The following TOX variants were observed in gnomAD, a reference collection of about 807,000 sequenced individuals.
The protein encoded by TOX is thymocyte selection associated high mobility group box.
TOX carries 11 observed loss-of-function variants against 53.7 expected under a neutral mutation model. The observed-to-expected ratio is 0.20, with a 90% CI of 0.13 to 0.34. TOX has a LOEUF of 0.34. TOX is among the 10% of genes least tolerant of loss of function. The pLI, the probability that TOX is intolerant of heterozygous loss-of-function variation, is 1.00. For missense variants in TOX, 570 were observed against 664.6 expected (o/e 0.86, Z 1.56); for synonymous variants, 225 against 245.3 (o/e 0.92, Z 0.77).
intron 3 of TOX, among the ~76,000 whole-genome samples, chr8:58,869,134 A>AG (rs1418937320): frequency 6.7e-6 from 1 of 149,070 alleles, no homozygotes; most frequent in African/African-American, 2.5e-5. Context: ...AACTAAGGCA[A>AG]GGGAATCACT....
intron 2 of TOX, among the ~76,000 whole-genome samples, chr8:58,946,794 C>A (rs147894277): frequency 6.6e-6 from 1 of 152,154 alleles, no homozygotes; most frequent in African/African-American, 2.4e-5. Flanking sequence ...GTGTAAGCAT[C>A]CTGCAAAGAG....
intron 1 of TOX, among the ~76,000 whole-genome samples, chr8:59,024,089 T>G (rs934024933): frequency 6.6e-6 from 1 of 152,194 alleles, no homozygotes; most frequent in Non-Finnish European, 1.5e-5. Flanking sequence ...GGGGAAGTCC[T>G]TCTCTGAATC....
At chr8:59,103,038 GTTTCTGCAAATAACAGAGGGATT>G (rs1682772247) in intron 1 of TOX, among the ~76,000 whole-genome samples, 1 of 152,098 alleles carries the variant, frequency 6.6e-6, no homozygotes, top group African/African-American at 2.4e-5. Context: ...AACATCATCA[GTTTCTGCAAATAACAGAGGGATT>G]TTTCTCTTCC....
intron 1 of TOX, among the ~76,000 whole-genome samples, chr8:58,966,562 A>G (rs1105608): frequency 0.048 from 7,377 of 152,184 alleles, 226 homozygotes; most frequent in South Asian, 0.097. Flanking sequence ...AGATAGTGCT[A>G]GACCCACAAC....
At chr8:58,959,316 T>G (rs28692477) in intron 2 of TOX, among the ~76,000 whole-genome samples, 1 of 152,114 alleles carries the variant, frequency 6.6e-6, no homozygotes, top group Admixed American at 6.5e-5. Context: ...CTTTTATAAG[T>G]GTAACCATTT....
chr8:58,809,568 A>G (rs951851834), intron 7 of TOX, among the ~76,000 whole-genome samples: 1 of 152,260 alleles, frequency 6.6e-6, no homozygotes, highest in Non-Finnish European at 1.5e-5. Flanking sequence ...CTGGAGACAA[A>G]TCACTGAAAA....
chr8:58,939,638 G>T (rs1585913107), intron 2 of TOX, 94 bp from the exon 3 acceptor site: 4 of 1,485,502 alleles, frequency 2.7e-6, no homozygotes, highest in Non-Finnish European at 3.6e-6. Flanking sequence ...ATTATTACAA[G>T]CAGCATATGG....
At chr8:59,093,187 G>A (rs1239111817) in intron 1 of TOX, among the ~76,000 whole-genome samples, 2 of 152,210 alleles carry the variant, frequency 1.3e-5, no homozygotes, top group African/African-American at 4.8e-5. Context: ...AGTAGGCTCT[G>A]AGGTGAGATC....
chr8:59,029,662 T>C (rs1044632044), intron 1 of TOX, among the ~76,000 whole-genome samples: 3 of 152,078 alleles, frequency 2.0e-5, no homozygotes, highest in Non-Finnish European at 2.9e-5. Context: ...TGGTAGCAAT[T>C]TTCTGTTAGT....
At chr8:58,959,012 A>G (rs547917579) in intron 2 of TOX, among the ~76,000 whole-genome samples, 1 of 152,298 alleles carries the variant, frequency 6.6e-6, no homozygotes, top group East Asian at 1.9e-4. Context: ...TTAAATCTAT[A>G]TGTGTGGATA....
At chr8:58,942,927 C>T (rs191988912) in intron 2 of TOX, among the ~76,000 whole-genome samples, 1 of 152,302 alleles carries the variant, frequency 6.6e-6, no homozygotes, top group East Asian at 1.9e-4. Flanking sequence ...CCTTCACCTT[C>T]CACCACCAGT....
At chr8:58,907,146 C>T in intron 3 of TOX, among the ~76,000 whole-genome samples, 1 of 152,216 alleles carries the variant, frequency 6.6e-6, no homozygotes, top group African/African-American at 2.4e-5. Flanking sequence ...TCCCTTGCCA[C>T]CTACATCTAA....
intron 3 of TOX, among the ~76,000 whole-genome samples, chr8:58,891,089 A>T (rs1811552410): frequency 6.6e-6 from 1 of 152,094 alleles, no homozygotes; most frequent in African/African-American, 2.4e-5. Flanking sequence ...AAAGAAGGAA[A>T]AGGGCAGGCC....
At chr8:58,992,382 T>TA (rs1813471055) in intron 1 of TOX, among the ~76,000 whole-genome samples, 1 of 152,190 alleles carries the variant, frequency 6.6e-6, no homozygotes, top group South Asian at 2.1e-4. Context: ...CAGATTTATT[T>TA]TTTTTTCCTT....
chr8:58,949,425 TC>T (rs1396880817), intron 2 of TOX, among the ~76,000 whole-genome samples: 2 of 152,314 alleles, frequency 1.3e-5, no homozygotes, highest in East Asian at 3.9e-4. Flanking sequence ...TCCACTTATT[TC>T]CTTAGGATAA....
chr8:58,882,301 C>A (rs1355646766), intron 3 of TOX, among the ~76,000 whole-genome samples: 1 of 152,206 alleles, frequency 6.6e-6, no homozygotes, highest in African/African-American at 2.4e-5. Flanking sequence ...TGTGCTAGGA[C>A]ATTCTATGCC....
chr8:58,892,944 A>G (rs1811580381), intron 3 of TOX, among the ~76,000 whole-genome samples: 1 of 152,224 alleles, frequency 6.6e-6, no homozygotes, highest in South Asian at 2.1e-4. Flanking sequence ...ATAAAATGCT[A>G]CAGAACCGTG....
chr8:58,811,220 C>G (rs1473013133), intron 7 of TOX, among the ~76,000 whole-genome samples: 1 of 152,098 alleles, frequency 6.6e-6, no homozygotes, highest in Non-Finnish European at 1.5e-5. Flanking sequence ...ATGACACACA[C>G]TTTTTGAAAA....
At chr8:58,951,149 T>C (rs1812614244) in intron 2 of TOX, among the ~76,000 whole-genome samples, 1 of 152,190 alleles carries the variant, frequency 6.6e-6, no homozygotes, top group African/African-American at 2.4e-5. Context: ...AGGATGGAGT[T>C]TGACAGAAGC....
Sources: gnomAD v4.1 joint callset for allele counts (sites outside exome capture counted in the v4.1 genomes callset) on GRCh38, gnomAD v4.1.1 for gene constraint, MANE v1.5 for transcripts, NCBI Gene and HGNC (gene_info 2026-07-23, HGNC 2026-07-21) for gene names.